The following PCDH15 variants were observed in gnomAD, a reference collection of about 807,000 sequenced individuals.
PCDH15 encodes protocadherin related 15.
PCDH15 carries 129 observed loss-of-function variants against 178.5 expected under a neutral mutation model. That is an observed-to-expected ratio of 0.72 (90% CI 0.63 to 0.84). The LOEUF (loss-of-function observed/expected upper bound fraction) is 0.84. Among genes scored for constraint, PCDH15 ranks in the 40% least tolerant of loss-of-function variants. PCDH15 has a pLI of 0.00. For synonymous variants in PCDH15, 800 were observed against 732.0 expected, an observed-to-expected ratio of 1.09 and a Z score of -1.50; for missense variants, 2,230 against 2,099.9, an observed-to-expected ratio of 1.06 and a Z score of -1.21.
intron 3 of PCDH15, among the ~76,000 whole-genome samples, chr10:54,500,052 C>T (rs1041584665): frequency 9.9e-5 from 15 of 152,096 alleles, no homozygotes; most frequent in Non-Finnish European, 1.3e-4. Flanking sequence ...CCCAGATGCC[C>T]AACACCAGTG....
intron 32 of PCDH15, among the ~76,000 whole-genome samples, chr10:53,826,554 A>G (rs1239186451): frequency 6.6e-6 from 1 of 151,778 alleles, no homozygotes; most frequent in African/African-American, 2.4e-5. Flanking sequence ...AAATTGTAAA[A>G]TATTCTTGGT....
At chr10:55,322,806 G>GGT (rs1053929021), upstream of PCDH15, among the ~76,000 whole-genome samples, 4 of 150,916 alleles carry the variant, frequency 2.7e-5, no homozygotes, top group Non-Finnish European at 4.4e-5. Context: ...AAAAAAAATG[G>GGT]GGGGGGAGAA....
intron 3 of PCDH15, among the ~76,000 whole-genome samples, chr10:54,410,758 C>T (rs962047059): frequency 2.0e-5 from 3 of 152,022 alleles, no homozygotes; most frequent in African/African-American, 7.2e-5. Context: ...AAGGAAAGCT[C>T]CTGCAAGTTA....
intron 26 of PCDH15, among the ~76,000 whole-genome samples, chr10:53,901,975 CTT>C (rs1261771303): frequency 2.0e-5 from 3 of 152,056 alleles, no homozygotes; most frequent in African/African-American, 7.2e-5. Flanking sequence ...CGGGTGGAAA[CTT>C]TGTTTGTTTG....
chr10:55,445,201 G>A (rs1839288241), intron 2 of PCDH15, among the ~76,000 whole-genome samples: 1 of 152,094 alleles, frequency 6.6e-6, no homozygotes, highest in African/African-American at 2.4e-5. Flanking sequence ...TCTTTCTTCA[G>A]TGTTCACCTA....
chr10:55,344,222 T>C (rs935643518), intron 2 of PCDH15, among the ~76,000 whole-genome samples: 4 of 152,086 alleles, frequency 2.6e-5, no homozygotes, highest in South Asian at 4.1e-4. Context: ...GAAGAAATGA[T>C]AGGAGTATAT....
At chr10:54,945,104 C>A (rs768590500) in intron 2 of PCDH15, among the ~76,000 whole-genome samples, 1 of 151,706 alleles carries the variant, frequency 6.6e-6, no homozygotes, top group Non-Finnish European at 1.5e-5. Context: ...TTTTTCTTTT[C>A]AATTTTATTG....
intron 2 of PCDH15, among the ~76,000 whole-genome samples, chr10:55,077,309 A>G (rs1176575367): frequency 6.6e-6 from 1 of 151,870 alleles, no homozygotes; most frequent in Non-Finnish European, 1.5e-5. Context: ...TTCCTTTCAC[A>G]GTGTATTTGT....
intron 2 of PCDH15, among the ~76,000 whole-genome samples, chr10:55,041,285 CT>C (rs1840858276): frequency 6.6e-6 from 1 of 152,038 alleles, no homozygotes; most frequent in African/African-American, 2.4e-5. Context: ...AGCTAAATTA[CT>C]TATCAAGAGC....
chr10:55,551,966 G>A (rs947203929), intron 2 of PCDH15, among the ~76,000 whole-genome samples: 3 of 151,570 alleles, frequency 2.0e-5, no homozygotes, highest in Admixed American at 6.6e-5. Flanking sequence ...TCCAATATCT[G>A]AAGGTTTTCC....
chr10:53,841,874 T>C (rs2132786585), intron 28 of PCDH15, among the ~76,000 whole-genome samples: 1 of 148,532 alleles, frequency 6.7e-6, no homozygotes, highest in African/African-American at 2.5e-5. Flanking sequence ...AACAGAAGAA[T>C]CGCTTGAACC....
At chr10:54,393,202 G>T (rs1950770978) in intron 3 of PCDH15, among the ~76,000 whole-genome samples, 1 of 152,124 alleles carries the variant, frequency 6.6e-6, no homozygotes, top group Admixed American at 6.5e-5. Context: ...GTGGTATGAA[G>T]TCAAGTACCT....
intron 2 of PCDH15, among the ~76,000 whole-genome samples, chr10:54,936,007 T>G (rs968977613): frequency 6.6e-6 from 1 of 152,092 alleles, no homozygotes; most frequent in Non-Finnish European, 1.5e-5. Flanking sequence ...ATTCACTTCA[T>G]AAAGAAATAC....
intron 2 of PCDH15, among the ~76,000 whole-genome samples, chr10:55,518,398 A>G (rs535340307): frequency 1.3e-5 from 2 of 152,212 alleles, no homozygotes; most frequent in Admixed American, 6.6e-5. Context: ...CTGTCATCTC[A>G]GACAAACACC....
intron 3 of PCDH15, among the ~76,000 whole-genome samples, chr10:54,860,931 T>G (rs1373864731): frequency 2.0e-5 from 3 of 152,180 alleles, no homozygotes; most frequent in South Asian, 4.1e-4. Flanking sequence ...ATTTATTTAT[T>G]AAGCACAATA....
chr10:54,673,215 TCCCCTAACCTCCCCA>T (rs922080165), intron 1 of PCDH15, among the ~76,000 whole-genome samples: 4 of 151,200 alleles, frequency 2.6e-5, no homozygotes, highest in African/African-American at 9.7e-5. Context: ...ATGCTATCCC[TCCCCTAACCTCCCCA>T]CCCCCGCGAC....
chr10:55,609,975 T>C (rs1023524041), intron 2 of PCDH15, among the ~76,000 whole-genome samples: 1 of 152,116 alleles, frequency 6.6e-6, no homozygotes, highest in African/African-American at 2.4e-5. Context: ...AAATTGAAAC[T>C]ATTTTTAAAA....
intron 2 of PCDH15, among the ~76,000 whole-genome samples, chr10:55,113,368 T>C (rs1296866356): frequency 6.6e-6 from 1 of 152,034 alleles, no homozygotes; most frequent in Non-Finnish European, 1.5e-5. Context: ...GCTTGTGATG[T>C]ATGTTAATTT....
Position 55,355,272 on chromosome 10 carries a change from C to A in PCDH15, c.-155-188621G>T, listed in dbSNP as rs192093432. Among the ~76,000 whole-genome samples the A allele has an allele frequency of 4.1e-4, 62 of 152,012 alleles. No homozygotes were observed. In the East Asian group the frequency reaches 9.1e-3, roughly 22 times the overall value. ...TTCATTTCTCTAGATAAAGTAAATG[C>A]CGAAGATTGGATTGCTCGGTCACAT... is the stretch of plus-strand genomic sequence containing the variant. On this transcript the variant is annotated intron_variant, in intron 2 of 5. Transcript: ENST00000613346.
Sources: allele counts gnomAD v4.1 joint callset (sites outside exome capture counted in the v4.1 genomes callset), GRCh38; gene constraint gnomAD v4.1.1; transcripts MANE v1.5; gene names NCBI Gene and HGNC (gene_info 2026-07-23, HGNC 2026-07-21).